NPC1L1: variants seen among roughly 807,000 people sequenced by gnomAD.
NPC1L1 encodes the protein NPC1-like intracellular cholesterol transporter 1.
Under a neutral mutation model 117.0 loss-of-function variants are expected in NPC1L1, and 98 were observed. The observed-to-expected ratio is 0.84, with a 90% CI of 0.71 to 0.99. The LOEUF (loss-of-function observed/expected upper bound fraction) is 0.99, where lower values mean the gene tolerates loss of function less well. Ranked by LOEUF, NPC1L1 falls within the 50% of genes least tolerant of loss-of-function variation. The pLI is 0.00. For missense variants in NPC1L1, 1,540 were observed against 1,710.0 expected (o/e 0.90, Z 1.75); for synonymous variants, 729 against 727.6 (o/e 1.00, Z -0.03).
chr7:44,533,370 T>C (rs1332490651), intron 8 of NPC1L1, 61 bp downstream of exon 8: 2 of 1,608,332 alleles, frequency 1.2e-6, no homozygotes, highest in African/African-American at 2.7e-5. Context: ...AGCCACCCCA[T>C]CTCCCTGCCA....
rs1202167972 is a variant in NPC1L1, at chr7:44,522,055, T to C, written c.2825A>G (p.Glu942Gly). The change falls in exon 11 of 19, where the codon GAG becomes GGG. Residue 942 changes from glutamate to glycine, a missense_variant. Transcript: ENST00000381160. ...QKIQYATEFP[E>G]QSYLAIPASS... ...TTGGGGCGGGCCAGGAACTCACTGCTCAGGGAACTCTGTGGCATACTGGAT... is the reference window on the plus strand; with the variant it reads ...TTGGGGCGGGCCAGGAACTCACTGCCCAGGGAACTCTGTGGCATACTGGAT... The C allele has an allele frequency of 1.9e-6, 3 of 1,613,818 alleles. No homozygotes were observed. The highest frequency in any genetic ancestry group is 1.7e-6 in the Non-Finnish European group (2 of 1,179,872).
chr7:44,531,310 A>C (rs1352354760), intron 10 of NPC1L1, among the ~76,000 whole-genome samples: 2 of 151,768 alleles, frequency 1.3e-5, no homozygotes, highest in Non-Finnish European at 2.9e-5. Flanking sequence ...GGCTCACCCT[A>C]GCCTCCCACT....
rs115281590 is a variant in NPC1L1, at chr7:44,515,822, G to C, written c.3777C>G (p.Pro1259=). The change falls in exon 18 of 19, where the codon CCC becomes CCG. Residue 1259 remains proline (P), a synonymous_variant. Transcript: ENST00000381160. ...ACTCACCCACGTAGCTGAGGATGAC[G>C]GGCAGGAAGACCAAGCCATGCAGCA... is the stretch of plus-strand genomic sequence containing the variant. ...LGLLHGLVFL[P]VILSYVGPDV... 5.0e-6 allele frequency: 8 copies of C among 1,613,992 alleles called. No homozygotes were observed. The highest frequency in any genetic ancestry group is 6.8e-6 in the Non-Finnish European group (8 of 1,180,018).
In NPC1L1 at chr7:44,515,835, A is replaced by G. The variant is rs778564872; in HGVS notation, c.3764T>C (p.Leu1255Ser). ...GCTGAGGATGACGGGCAGGAAGACC[A>G]AGCCATGCAGCAGGCCCAGCAGAGT... ...LITLLGLLHG[L>S]VFLPVILSYV... Residue 1255 changes from leucine to serine, a missense_variant, in exon 18 of 19, where the codon TTG becomes TCG. Around this residue, in one of 3 missense-constraint regions of NPC1L1, gnomAD observed 742 missense variants for 873.6 expected, o/e 0.85. Transcript: ENST00000381160. The G allele has an allele frequency of 5.0e-6, 8 of 1,614,070 alleles. No individual in the cohort carries two copies. The South Asian group carries it at 8.8e-5, about 18-fold the overall frequency.
Position 44,536,089 on chromosome 7 carries a change from T to C in NPC1L1, c.1855-121A>G. ...TGTCATAGGGCCTGATGGCCCCCTA[T>C]AATCGCAGGTGAGGCTATAAGAACA... On this transcript the variant is annotated intron_variant, in intron 4 of 18. Coordinates refer to ENST00000381160, the MANE Select transcript of NPC1L1 (RefSeq NM_001101648.2). The surrounding 1 kb of genome is among the most constrained non-coding windows in gnomAD (Gnocchi z 4.7). The C allele has an allele frequency of 6.5e-7, 1 of 1,547,870 alleles. No homozygotes were observed. Among genetic ancestry groups the C allele is most frequent in the South Asian group, 1.1e-5 (1 of 88,856 alleles).
intron 14 of NPC1L1, among the ~76,000 whole-genome samples, chr7:44,518,954 T>G (rs1056992724): frequency 4.0e-5 from 6 of 151,764 alleles, no homozygotes; most frequent in African/African-American, 1.5e-4. Flanking sequence ...TTCTTTCTTT[T>G]TCTTCCTTCC....
chr7:44,516,752 G>A lies in NPC1L1; in HGVS notation c.3470C>T (p.Ala1157Val). 1 of 1,613,512 alleles carries A rather than the reference G, an allele frequency of 6.2e-7. No homozygotes were observed. Among genetic ancestry groups the A allele is most frequent in the Non-Finnish European group, 8.5e-7 (1 of 1,179,794 alleles). Reference protein sequence around the residue: ...MILVDTVGFMALWGISYNAVS... With the variant: ...MILVDTVGFMVLWGISYNAVS... Reference sequence around the variant, plus strand: ...AGCATTGTAACTGATGCCCCACAGGGCCATGAAGCCGACAGTGTCCACGAG... The same window carrying A: ...AGCATTGTAACTGATGCCCCACAGGACCATGAAGCCGACAGTGTCCACGAG... The change falls in exon 16 of 19, where the codon GCC (alanine) becomes GTC (valine). Residue 1157 changes from alanine (A) to valine (V), a missense_variant. Physicochemically the swap from Ala to Val is moderately conservative, Grantham distance 64. Coordinates refer to ENST00000381160, the MANE Select transcript of NPC1L1 (RefSeq NM_001101648.2).
chr7:44,520,625 C>T, intron 14 of NPC1L1, 140 bp downstream of exon 14: 1 of 781,796 alleles, frequency 1.3e-6, no homozygotes, highest in Non-Finnish European at 2.3e-6. Flanking sequence ...GGAAACAAGA[C>T]CCCTGCTGAC....
intron 10 of NPC1L1, among the ~76,000 whole-genome samples, chr7:44,530,478 G>A (rs1264517141): frequency 6.6e-6 from 1 of 152,156 alleles, no homozygotes; most frequent in African/African-American, 2.4e-5. Flanking sequence ...TAGTTGAATA[G>A]TATGAGTGTA....
At chr7:44,516,321 T>C in intron 16 of NPC1L1, 124 bp from the exon 17 acceptor site, 1 of 868,042 alleles carries the variant, frequency 1.2e-6, no homozygotes, top group Non-Finnish European at 1.9e-6. Flanking sequence ...TGGGAGTATT[T>C]GGCCGGGTGC....
chr7:44,529,110 A>AACACACACACACACACACACACACACAC (rs59108479), intron 10 of NPC1L1, among the ~76,000 whole-genome samples: 1 of 123,012 alleles, frequency 8.1e-6, no homozygotes, highest in East Asian at 2.5e-4. Context: ...GAATGAATTA[A>AACACACACACACACACACACACACACAC]ACACACACAC....
Position 44,539,449 on chromosome 7 carries a change from C to A in NPC1L1, c.948G>T (p.Met316Ile). 6.2e-7 allele frequency: 1 copy of A among 1,614,056 alleles called. No homozygotes were observed. Among genetic ancestry groups the A allele is most frequent in the East Asian group, 2.2e-5 (1 of 44,884 alleles). Residue 316 changes from methionine (M) to isoleucine (I), a missense_variant, in exon 2 of 19, where the codon ATG becomes ATT. Around this residue, in one of 3 missense-constraint regions of NPC1L1, gnomAD observed 793 missense variants for 820.4 expected, o/e 0.97. Coordinates refer to ENST00000381160, the MANE Select transcript of NPC1L1 (RefSeq NM_001101648.2). The surrounding 1 kb of genome is among the most constrained non-coding windows in gnomAD (Gnocchi z 4.4). ...RVAPARDKSK[M>I]VDPKKGTSLS... ...GGCTGGTGCCCTTCTTGGGGTCCAC[C>A]ATCTTGCTTTTGTCCCTGGCGGGGG...
Position 44,536,394 on chromosome 7 carries a change from CA to C in NPC1L1, c.1715del (p.Met572ArgfsTer26). 1 of 1,613,936 alleles carries C rather than the reference CA, an allele frequency of 6.2e-7. No homozygotes were observed. Among genetic ancestry groups the C allele is most frequent in the Non-Finnish European group, 8.5e-7 (1 of 1,180,030 alleles). ...CAGGGTAATTGTTGAGGGAGAACGT[CA>C]TGATCAGGGCCTCTGCCTCAGAATA... Reference protein sequence around the residue: ...KDYSEAEALIMTFSLNNYPAG... With the variant: ...KDYSEAEALIXTFSLNNYPAG... On this transcript the variant is annotated frameshift_variant, in exon 4 of 19. Transcript: ENST00000381160. LOFTEE classifies it high-confidence loss of function. This position sits in a 1 kb window ranked among gnomAD's most constrained non-coding sequence, Gnocchi z 4.7.
rs1193269792 is a variant in NPC1L1, at chr7:44,517,210, T to C, written c.3284A>G (p.Tyr1095Cys). The change falls in exon 15 of 19, where the codon TAC becomes TGC. Residue 1095 changes from tyrosine to cysteine, a missense_variant. Tyr to Cys is a radical substitution (Grantham distance 194). Coordinates refer to ENST00000381160, the MANE Select transcript of NPC1L1 (RefSeq NM_001101648.2). Reference protein sequence around the residue: ...GTDPAFEVFPYTITNVFYEQY... With the variant: ...GTDPAFEVFPCTITNVFYEQY... ...GCCCAGCCACTCAGGTCCTCACGTG[T>C]AGGGGAAGACCTCAAAAGCCGGGTC... 4.3e-6 allele frequency: 7 copies of C among 1,613,954 alleles called. No individual in the cohort carries two copies. The Admixed American group carries it at 6.7e-5, about 15-fold the overall frequency.
At chr7:44,521,179 C>G (rs1325680244) in intron 12 of NPC1L1, 61 bp from the exon 13 acceptor site, 1 of 1,609,190 alleles carries the variant, frequency 6.2e-7, no homozygotes, top group African/African-American at 1.3e-5. Flanking sequence ...CTGCTTTGTG[C>G]CCCTCCTTCC....
At chr7:44,524,553 G>A (rs1351023617) in intron 10 of NPC1L1, among the ~76,000 whole-genome samples, 6 of 152,012 alleles carry the variant, frequency 3.9e-5, no homozygotes, top group South Asian at 2.1e-4. Flanking sequence ...CCAGGAGTTC[G>A]AGACCAGCCT....
intron 12 of NPC1L1, 42 bp downstream of exon 12, chr7:44,521,670 C>G (rs751908014): frequency 1.2e-6 from 2 of 1,613,538 alleles, no homozygotes; most frequent in Non-Finnish European, 1.7e-6. Flanking sequence ...TCAGTTTGCC[C>G]GAGCTGTGGT....
intron 10 of NPC1L1, among the ~76,000 whole-genome samples, chr7:44,529,261 A>ACTCACC (rs1801623303): frequency 1.3e-5 from 2 of 152,016 alleles, no homozygotes; most frequent in African/African-American, 4.8e-5. Context: ...TCTCCAAGAG[A>ACTCACC]CTCACCTTAG....
intron 14 of NPC1L1, 125 bp from the exon 15 acceptor site, chr7:44,517,482 C>T: frequency 1.7e-6 from 2 of 1,191,728 alleles, no homozygotes; most frequent in South Asian, 2.6e-5. Flanking sequence ...GCTCTGCCAC[C>T]ACCATTTGAA....
Sources: allele counts gnomAD v4.1 joint callset (sites outside exome capture counted in the v4.1 genomes callset), GRCh38; gene constraint gnomAD v4.1.1; regional missense constraint gnomAD v4.1.1; non-coding constraint Gnocchi (gnomAD v3.1); transcripts MANE v1.5; gene names NCBI Gene and HGNC (gene_info 2026-07-23, HGNC 2026-07-21).